SCN9A: variants seen among roughly 807,000 people sequenced by gnomAD.
SCN9A encodes the protein sodium voltage-gated channel alpha subunit 9, also known as sodium channel protein type 9 subunit alpha.
A neutral mutation model predicts 187.0 loss-of-function variants in SCN9A; 131 were observed. The observed-to-expected ratio is 0.70, with a 90% CI of 0.61 to 0.81. SCN9A has a LOEUF of 0.81. Ranked by LOEUF, SCN9A falls within the 30% of genes least tolerant of loss-of-function variation. SCN9A has a pLI of 0.00. For missense variants in SCN9A, 2,252 were observed against 2,396.6 expected (o/e 0.94, Z 1.26); for synonymous variants, 809 against 808.6 (o/e 1.00, Z -0.01).
In SCN9A at chr2:166,265,909, G is replaced by GT. The variant is rs201394347; in HGVS notation, c.3351+6489dup. ...TCTTTTGTCCATTTTTGAATTATTT[G>GT]TTTTTTTTGTCGTTGTTGAGTTGTT... On this transcript the variant is annotated intron_variant, in intron 17 of 26. Transcript: ENST00000642356. 2.0e-3 allele frequency among the ~76,000 whole-genome samples: 309 copies of GT among 151,168 alleles called. 1 individual carries two copies. The highest frequency in any genetic ancestry group is 6.3e-3 in the African/African-American group (262 of 41,328).
chr2:166,354,499 A>G (rs1429111329), intron 1 of SCN9A, among the ~76,000 whole-genome samples: 1 of 152,178 alleles, frequency 6.6e-6, no homozygotes, highest in East Asian at 1.9e-4. Context: ...TCACAGCAGA[A>G]CTTAAAAATA....
intron 17 of SCN9A, among the ~76,000 whole-genome samples, chr2:166,261,722 A>G (rs537450460): frequency 6.6e-6 from 1 of 152,130 alleles, no homozygotes; most frequent in South Asian, 2.1e-4. Flanking sequence ...CACACAAAAA[A>G]ATAGGGATTA....
In SCN9A at chr2:166,197,243, A is replaced by G. The variant is rs1693272023; in HGVS notation, c.*1429T>C. On this transcript the variant is annotated 3_prime_UTR_variant, in exon 27 of 27. Transcript: ENST00000642356. ...ATTCCTGAAATAAACTCACGAAAAA[A>G]AGCATTATGGTTATTTCTTTTCAAA... The G allele has an allele frequency of 6.6e-6, 1 of 152,108 alleles. No homozygotes were observed. The highest frequency in any genetic ancestry group is 6.6e-5 in the Admixed American group (1 of 15,260). 9.4% of individuals were successfully genotyped at this position (152,108 alleles called of 1,614,324 possible). A position where few individuals can be genotyped will look rare whatever the true frequency, so the allele number is the denominator to read the frequency against.
intron 26 of SCN9A, among the ~76,000 whole-genome samples, chr2:166,202,993 G>C (rs16851776): frequency 0.03 from 4,508 of 151,458 alleles, 220 homozygotes; most frequent in African/African-American, 0.1. Flanking sequence ...AAACAGGGAT[G>C]ATACAGGCAC....
chr2:166,352,818 C>T (rs936327152), intron 1 of SCN9A, among the ~76,000 whole-genome samples: 2 of 152,122 alleles, frequency 1.3e-5, no homozygotes, highest in Admixed American at 6.5e-5. Context: ...CAACTGAAAA[C>T]GGGTCTCCAG....
chr2:166,210,951 C>T (rs1158996786), intron 24 of SCN9A, among the ~76,000 whole-genome samples: 2 of 152,002 alleles, frequency 1.3e-5, no homozygotes, highest in Non-Finnish European at 2.9e-5. Flanking sequence ...ATCCCAGCTA[C>T]TCGGGAGGCT....
intron 1 of SCN9A, among the ~76,000 whole-genome samples, chr2:166,359,675 A>T (rs186006161): frequency 6.6e-6 from 1 of 152,196 alleles, no homozygotes; most frequent in Admixed American, 6.5e-5. Flanking sequence ...TCCTAAAATC[A>T]TTCAATTTTA....
At position 166,281,770 on chromosome 2, in the gene SCN9A, A is replaced by T; in HGVS notation, c.2013T>A (p.Ser671Arg). The change falls in exon 13 of 27, where the codon AGT becomes AGA. Residue 671 changes from serine to arginine, a missense_variant. Ser to Arg is a moderately radical substitution (Grantham distance 110). Coordinates refer to ENST00000642356, the MANE Select transcript of SCN9A (RefSeq NM_001365536.1). ...GCATATCCTCTGAAAGGAGATAGGA[A>T]CTACAACGCCTTTTCTTGTGTATTT... ...TNQIHKKRRC[S>R]SYLLSEDMLN... 1 of 1,613,298 alleles carries T rather than the reference A, an allele frequency of 6.2e-7. No individual in the cohort carries two copies. The highest frequency in any genetic ancestry group is 1.1e-5 in the South Asian group (1 of 91,032).
chr2:166,290,700 C>T (rs1448314943), intron 9 of SCN9A, among the ~76,000 whole-genome samples: 1 of 152,018 alleles, frequency 6.6e-6, no homozygotes, highest in Non-Finnish European at 1.5e-5. Flanking sequence ...TTTTTGGCCG[C>T]ATAAATGTCT....
Position 166,284,768 on chromosome 2 carries a change from A to G in SCN9A, c.1659T>C (p.Ser553=), listed in dbSNP as rs1157408645. ...TTCCTCTGCCTTTGAAACTAAAAAG[A>G]CTTGTTCTGCTGCTTCGCCTTGCAG... is the stretch of plus-strand genomic sequence containing the variant. The part of the protein sequence containing the change: ...LFSARRSSRT[S]LFSFKGRGRD... The change falls in exon 12 of 27, where the codon AGT becomes AGC. Residue 553 remains serine, a synonymous_variant. Coordinates refer to ENST00000642356, the MANE Select transcript of SCN9A (RefSeq NM_001365536.1). 2 of 1,613,520 alleles carry G rather than the reference A, an allele frequency of 1.2e-6. No individual in the cohort carries two copies. Among genetic ancestry groups the G allele is most frequent in the African/African-American group, 2.7e-5 (2 of 74,892 alleles).
At chr2:166,348,581 C>T (rs1699958839) in intron 1 of SCN9A, among the ~76,000 whole-genome samples, 1 of 152,096 alleles carries the variant, frequency 6.6e-6, no homozygotes. Flanking sequence ...ATAGTACTGT[C>T]AGAGTGGTAA....
At chr2:166,316,518 C>T (rs571366310) in intron 1 of SCN9A, among the ~76,000 whole-genome samples, 23 of 152,244 alleles carry the variant, frequency 1.5e-4, no homozygotes, top group African/African-American at 5.3e-4. Context: ...CACTGTGAAA[C>T]CCTGTCTCTA....
At chr2:166,269,400 G>T (rs1320346613) in intron 17 of SCN9A, among the ~76,000 whole-genome samples, 2 of 151,870 alleles carry the variant, frequency 1.3e-5, no homozygotes, top group Non-Finnish European at 2.9e-5. Context: ...ATACCCCAGG[G>T]GAGACAAATT....
chr2:166,286,304 G>A lies in SCN9A; in HGVS notation c.1602+32C>T, dbSNP rs778095499. 25 of 1,566,558 alleles carry A rather than the reference G, an allele frequency of 1.6e-5. 1 individual carries two copies. The Admixed American group carries it at 2.7e-4, about 17-fold the overall frequency. ...ACATTTTTCTCTAGCATTCTGCCTC[G>A]GGTGATACACATTTAGCAATTTGGG... On this transcript the variant is annotated intron_variant, in intron 11 of 26. Transcript: ENST00000642356.
chr2:166,199,289 C>G lies in SCN9A; in HGVS notation c.5350G>C (p.Glu1784Gln), dbSNP rs1358961500. 4 of 1,614,034 alleles carry G rather than the reference C, an allele frequency of 2.5e-6. No individual in the cohort carries two copies. Among genetic ancestry groups the G allele is most frequent in the African/African-American group, 1.3e-5 (1 of 74,910 alleles). ...TCGGGATCAAACTTCTCCCAAACCT[C>G]ATAGAACATCTCAAAGTCATCCTCA... ...LSEDDFEMFY[E>Q]VWEKFDPDAT... Residue 1784 changes from glutamate to glutamine, a missense_variant, in exon 27 of 27, where the codon GAG (glutamate) becomes CAG (glutamine). Glu to Gln is a conservative substitution (Grantham distance 29). Around this residue, in one of 7 missense-constraint regions of SCN9A, gnomAD observed 345 missense variants for 344.6 expected, o/e 1.00. Coordinates refer to ENST00000642356, the MANE Select transcript of SCN9A (RefSeq NM_001365536.1).
chr2:166,360,739 G>C (rs558228752), intron 1 of SCN9A, among the ~76,000 whole-genome samples: 3 of 152,082 alleles, frequency 2.0e-5, no homozygotes, highest in Non-Finnish European at 4.4e-5. Context: ...AAATGGTTTT[G>C]GTAAAGTGCC....
At chr2:166,283,305 G>T (rs182031356) in intron 12 of SCN9A, among the ~76,000 whole-genome samples, 1 of 152,224 alleles carries the variant, frequency 6.6e-6, no homozygotes, top group East Asian at 1.9e-4. Flanking sequence ...ACACATAGAG[G>T]TCACATGTTA....
chr2:166,278,508 G>T (rs1697338382), intron 14 of SCN9A, among the ~76,000 whole-genome samples, 195 bp from the exon 15 acceptor site: 1 of 152,058 alleles, frequency 6.6e-6, no homozygotes, highest in Non-Finnish European at 1.5e-5. Context: ...AGCATCAAAA[G>T]GTTGAAAAGC....
chr2:166,231,548 C>CTT (rs57067738), intron 21 of SCN9A, among the ~76,000 whole-genome samples: 5,192 of 99,000 alleles, frequency 0.052, 525 homozygotes, highest in Admixed American at 0.18. Context: ...CAAGAATTTG[C>CTT]TTTTTTTTTT....
Sources: gnomAD v4.1 joint callset for allele counts (sites outside exome capture counted in the v4.1 genomes callset) on GRCh38, gnomAD v4.1.1 for gene constraint, gnomAD v4.1.1 regional missense constraint, MANE v1.5 for transcripts, NCBI Gene and HGNC (gene_info 2026-07-23, HGNC 2026-07-21) for gene names.